The following ANKRD53 variants were observed in gnomAD, a reference collection of about 807,000 sequenced individuals.
ANKRD53 encodes ankyrin repeat domain 53, also known as ankyrin repeat domain-containing protein 53.
A neutral mutation model predicts 30.1 loss-of-function variants in ANKRD53; 27 were observed. The ratio of observed to expected loss-of-function variants is 0.90; its 90% confidence interval spans 0.66 to 1.24. The LOEUF is 1.24. ANKRD53 is among the 50% of genes most tolerant of loss of function. The pLI is 0.00. For missense variants in ANKRD53, 682 were observed against 721.0 expected (o/e 0.95, Z 0.62); for synonymous variants, 286 against 295.4 (o/e 0.97, Z 0.33).
chr2:70,980,605 G>C (rs1553423441), intron 3 of ANKRD53, among the ~76,000 whole-genome samples: 1 of 152,022 alleles, frequency 6.6e-6, no homozygotes, highest in Non-Finnish European at 1.5e-5. Context: ...TTGCTCCAAT[G>C]CACTCCAGCC....
chr2:70,978,578 C>A (rs1669894817), upstream of ANKRD53: 2 of 1,416,652 alleles, frequency 1.4e-6, no homozygotes, highest in East Asian at 2.9e-5. This position sits in a 1 kb window ranked among gnomAD's most constrained non-coding sequence, Gnocchi z 4.3. Context: ...AGGAGTGGCC[C>A]CCGGGGGCGG....
At position 70,979,354 on chromosome 2, in the gene ANKRD53, G is replaced by T. The variant is rs1244534346; in HGVS notation, c.417+11G>T. 6 of 1,613,178 alleles carry T rather than the reference G, an allele frequency of 3.7e-6. No individual in the cohort carries two copies. Among genetic ancestry groups the T allele is most frequent in the Non-Finnish European group, 5.1e-6 (6 of 1,179,870 alleles). On this transcript the variant is annotated intron_variant, in intron 2 of 5. Transcript: ENST00000360589. The stretch of plus-strand genomic sequence containing the variant: ...CCCACCGACGACAAGGTAAGGTCTT[G>T]AGTGTTGGGGCAAAGACCGAGGTCC...
At chr2:70,981,373 G>C (rs1460527418) in intron 3 of ANKRD53, among the ~76,000 whole-genome samples, 3 of 152,062 alleles carry the variant, frequency 2.0e-5, no homozygotes, top group Non-Finnish European at 4.4e-5. Context: ...ATGGTGTAGG[G>C]GGTAAAGCAG....
At chr2:70,978,623 C>G, upstream of ANKRD53, 1 of 1,513,592 alleles carries the variant, frequency 6.6e-7, no homozygotes. The surrounding 1 kb of genome is among the most constrained non-coding windows in gnomAD (Gnocchi z 4.3). Context: ...CCGCCCGGCC[C>G]GGGTCCGAGT....
At chr2:70,978,624 G>A (rs369851543), upstream of ANKRD53, 1 of 1,514,012 alleles carries the variant, frequency 6.6e-7, no homozygotes, top group Non-Finnish European at 8.8e-7. The surrounding 1 kb of genome is among the most constrained non-coding windows in gnomAD (Gnocchi z 4.3). Flanking sequence ...CGCCCGGCCC[G>A]GGTCCGAGTT....
In ANKRD53 at chr2:70,981,958, C is replaced by CA. The variant is rs1670021490; in HGVS notation, c.640_641insA (p.Pro214HisfsTer8). 6.2e-7 allele frequency: 1 copy of CA among 1,606,002 alleles called. No individual in the cohort carries two copies. The highest frequency in any genetic ancestry group is 1.3e-5 in the African/African-American group (1 of 74,636). ...CAGTCAGACATGCAACGGCTCCACG[C>CA]CCCTGCACCTGGCAGCCCGTGACGG... is the stretch of plus-strand genomic sequence containing the variant. On this transcript the variant is annotated frameshift_variant, in exon 4 of 6. Transcript: ENST00000360589. LOFTEE classifies it high-confidence loss of function.
chr2:70,980,081 C>T (rs547235033), intron 3 of ANKRD53, among the ~76,000 whole-genome samples: 5 of 152,192 alleles, frequency 3.3e-5, no homozygotes, highest in South Asian at 2.1e-4. Context: ...TTTGGAAGGC[C>T]GAGGCAGGCG....
chr2:70,978,475 TCCCCGGAGGC>T, upstream of ANKRD53: 1 of 699,484 alleles, frequency 1.4e-6, no homozygotes, highest in Non-Finnish European at 2.1e-6. The surrounding 1 kb of genome is among the most constrained non-coding windows in gnomAD (Gnocchi z 4.3). Context: ...GCGGGCAGGG[TCCCCGGAGGC>T]CCCCGGGCTC....
chr2:70,982,537 T>C lies in ANKRD53; in HGVS notation c.783-40T>C. 1 of 1,610,208 alleles carries C rather than the reference T, an allele frequency of 6.2e-7. No individual in the cohort carries two copies. ...CTTCCCAGCCCAGGTGGAAGCTCTGTCACTGTGGGATGACACCCCCGCCCT... is the reference window on the plus strand; with the variant it reads ...CTTCCCAGCCCAGGTGGAAGCTCTGCCACTGTGGGATGACACCCCCGCCCT... On this transcript the variant is annotated intron_variant, in intron 4 of 5. Coordinates refer to ENST00000360589, the MANE Select transcript of ANKRD53 (RefSeq NM_001115116.2). This position sits in a 1 kb window ranked among gnomAD's most constrained non-coding sequence, Gnocchi z 4.2.
chr2:70,982,477 C>T lies in ANKRD53; in HGVS notation c.783-100C>T. The T allele has an allele frequency of 6.5e-7, 1 of 1,533,034 alleles. No individual in the cohort carries two copies. Among genetic ancestry groups the T allele is most frequent in the Non-Finnish European group, 8.9e-7 (1 of 1,125,396 alleles). 95.0% of individuals were successfully genotyped at this position (1,533,034 alleles called of 1,614,324 possible). On this transcript the variant is annotated intron_variant, in intron 4 of 5. Transcript: ENST00000360589. This position sits in a 1 kb window ranked among gnomAD's most constrained non-coding sequence, Gnocchi z 4.2. Reference sequence around the variant, plus strand: ...TTGCTCCTCTCCCTCTGGCCACTCCCCTCATCCCCATCCAAGCCCTCAGCA... The same window carrying T: ...TTGCTCCTCTCCCTCTGGCCACTCCTCTCATCCCCATCCAAGCCCTCAGCA...
chr2:70,979,459 C>G (rs985656180), intron 2 of ANKRD53, 116 bp downstream of exon 2: 2 of 1,516,318 alleles, frequency 1.3e-6, no homozygotes, highest in Admixed American at 2.1e-5. Flanking sequence ...TTTAACTCAT[C>G]TTCTGGCTGT....
In ANKRD53 at chr2:70,985,233, C is replaced by T; in HGVS notation, c.1526C>T (p.Ala509Val). 1 of 1,551,402 alleles carries T rather than the reference C, an allele frequency of 6.4e-7. No individual in the cohort carries two copies. The highest frequency in any genetic ancestry group is 1.2e-5 in the South Asian group (1 of 84,064). Residue 509 changes from alanine to valine, a missense_variant, in exon 6 of 6, where the codon GCC becomes GTC. Transcript: ENST00000360589. ...AACCTGCGTGACACATTCGATGAAG[C>T]CTTCCTGGCAGCTGTGCGATCTCAT... ...AMNLRDTFDEAFLAAVRSHQG... is the reference protein window; with the variant it reads ...AMNLRDTFDEVFLAAVRSHQG...
intron 1 of ANKRD53, 43 bp from the exon 2 acceptor site, chr2:70,979,054 G>C: frequency 1.3e-6 from 2 of 1,511,358 alleles, no homozygotes; most frequent in Non-Finnish European, 1.8e-6. Context: ...AGAGGTGCCC[G>C]GGCCGTGGCC....
At chr2:70,984,026 C>A (rs1670093241) in intron 5 of ANKRD53, 8 of 1,195,650 alleles carry the variant, frequency 6.7e-6, no homozygotes, top group Non-Finnish European at 8.6e-6. Context: ...GGAGAGCCAG[C>A]CAACTGTATC....
chr2:70,982,422 G>C lies in ANKRD53; in HGVS notation c.783-155G>C. On this transcript the variant is annotated intron_variant, in intron 4 of 5. Coordinates refer to ENST00000360589, the MANE Select transcript of ANKRD53 (RefSeq NM_001115116.2). This position sits in a 1 kb window ranked among gnomAD's most constrained non-coding sequence, Gnocchi z 4.2. The stretch of plus-strand genomic sequence containing the variant: ...TTCACCTAAAGGAAGTAGGGAGCCA[G>C]AGGGCCCCGGGCAATGGGGATGGCT... 1 of 1,078,254 alleles carries C rather than the reference G, an allele frequency of 9.3e-7. No homozygotes were observed. The highest frequency in any genetic ancestry group is 1.3e-6 in the Non-Finnish European group (1 of 759,000). 66.8% of individuals were successfully genotyped at this position (1,078,254 alleles called of 1,614,324 possible). A position where few individuals can be genotyped will look rare whatever the true frequency, so the allele number is the denominator to read the frequency against.
Position 70,985,266 on chromosome 2 carries a change from T to TGGGCCCC in ANKRD53, c.1559_1560insGGGCCCC (p.Pro521GlyfsTer29). ...GCAGCTGTGCGATCTCATCAAGGAC[T>TGGGCCCC]CCCCACCCTGCCCTCCCCACAAACC... On this transcript the variant is annotated frameshift_variant, in exon 6 of 6. Coordinates refer to ENST00000360589, the MANE Select transcript of ANKRD53 (RefSeq NM_001115116.2). LOFTEE classifies it low-confidence loss of function (END_TRUNC). The TGGGCCCC allele has an allele frequency of 1.3e-6, 2 of 1,544,332 alleles. No homozygotes were observed. Among genetic ancestry groups the TGGGCCCC allele is most frequent in the Non-Finnish European group, 1.8e-6 (2 of 1,141,314 alleles).
Position 70,982,146 on chromosome 2 carries a change from C to T in ANKRD53, c.782+46C>T. ...TGGAGCCTGCCCACCCCCTTCCCCT[C>T]CCCCAGCCTTTTCCCTAGGGCCCTC... On this transcript the variant is annotated intron_variant, in intron 4 of 5. Transcript: ENST00000360589. This position sits in a 1 kb window ranked among gnomAD's most constrained non-coding sequence, Gnocchi z 4.2. 1.3e-6 allele frequency: 2 copies of T among 1,543,562 alleles called. No homozygotes were observed. The highest frequency in any genetic ancestry group is 1.8e-6 in the Non-Finnish European group (2 of 1,142,608).
Position 70,985,262 on chromosome 2 carries a change from G to T in ANKRD53, c.1555G>T (p.Gly519Ter). ...AFLAAVRSHQ[G>*]LPTLPSPQTN... ...CCTGGCAGCTGTGCGATCTCATCAAGGACTCCCCACCCTGCCCTCCCCACA... is the reference window on the plus strand; with the variant it reads ...CCTGGCAGCTGTGCGATCTCATCAATGACTCCCCACCCTGCCCTCCCCACA... The change falls in exon 6 of 6, where the codon GGA (glycine) becomes TGA (stop). Residue 519 changes from glycine (G) to a stop codon, truncating the protein, a stop_gained. Transcript: ENST00000360589. LOFTEE classifies it low-confidence loss of function (END_TRUNC). The T allele has an allele frequency of 6.4e-7, 1 of 1,550,762 alleles. No homozygotes were observed. The highest frequency in any genetic ancestry group is 8.7e-7 in the Non-Finnish European group (1 of 1,146,990).
chr2:70,981,784 T>A, intron 3 of ANKRD53, 152 bp from the exon 4 acceptor site: 2 of 748,982 alleles, frequency 2.7e-6, no homozygotes, highest in Non-Finnish European at 4.0e-6. Flanking sequence ...GTAAAGGAAA[T>A]TGAGGTGCCA....
Sources: allele counts gnomAD v4.1 joint callset (sites outside exome capture counted in the v4.1 genomes callset), GRCh38; gene constraint gnomAD v4.1.1; non-coding constraint Gnocchi (gnomAD v3.1); transcripts MANE v1.5; gene names NCBI Gene and HGNC (gene_info 2026-07-23, HGNC 2026-07-21).